The following PARD6G variants were observed in gnomAD, a reference collection of about 807,000 sequenced individuals.
The protein encoded by PARD6G is partitioning defective 6 homolog gamma.
In PARD6G, 7 loss-of-function variants were observed where a neutral mutation model predicts 10.7. That is an observed-to-expected ratio of 0.66 (90% CI 0.37 to 1.23). The LOEUF is 1.23. PARD6G is among the 50% of genes most tolerant of loss of function. The pLI is 0.02. For synonymous variants in PARD6G, 287 were observed against 269.4 expected (o/e 1.07, Z -0.64); for missense variants, 548 against 571.8 (o/e 0.96, Z 0.42).
At chr18:80,243,546 A>C (rs1164715439) in intron 1 of PARD6G, among the ~76,000 whole-genome samples, 1 of 152,182 alleles carries the variant, frequency 6.6e-6, no homozygotes, top group Non-Finnish European at 1.5e-5. Context: ...GAATCCAAAA[A>C]AGCCCCATCA....
rs77899993 is a variant in PARD6G at position 80,211,700 on chromosome 18, A to G, written c.73-8768T>C. ...TGAATAGGCAAAAGGTGACACATAC[A>G]TACAATGGAATATTATTCCATCTTC... On this transcript the variant is annotated intron_variant, in intron 1 of 2. Coordinates refer to ENST00000353265, the MANE Select transcript of PARD6G (RefSeq NM_032510.4). 9.3e-4 allele frequency among the ~76,000 whole-genome samples: 141 copies of G among 152,374 alleles called. 2 individuals are homozygous for G. In the East Asian group the frequency reaches 0.025, roughly 27 times the overall value.
intron 1 of PARD6G, among the ~76,000 whole-genome samples, chr18:80,244,749 C>T (rs1381666077): frequency 6.6e-6 from 1 of 152,174 alleles, no homozygotes; most frequent in Non-Finnish European, 1.5e-5. Flanking sequence ...ACGCCATTTT[C>T]CCCACAAACC....
chr18:80,244,680 T>C (rs1306570575), intron 1 of PARD6G, among the ~76,000 whole-genome samples: 1 of 152,210 alleles, frequency 6.6e-6, no homozygotes, highest in Admixed American at 6.5e-5. Context: ...TTAAATGACT[T>C]GCCCAAAAGC....
At chr18:80,235,801 G>A (rs1239645545) in intron 1 of PARD6G, among the ~76,000 whole-genome samples, 2 of 152,154 alleles carry the variant, frequency 1.3e-5, no homozygotes, top group Non-Finnish European at 2.9e-5. Flanking sequence ...ACTAAACCAG[G>A]AAGAAGTTGA....
chr18:80,239,021 T>C (rs1396252396), intron 1 of PARD6G, among the ~76,000 whole-genome samples: 1 of 152,068 alleles, frequency 6.6e-6, no homozygotes, highest in Non-Finnish European at 1.5e-5. Context: ...ATGCTACACA[T>C]GTATCTCAAA....
Position 80,183,924 on chromosome 18 carries a change from A to G in PARD6G, c.295+18786T>C, listed in dbSNP as rs2052860088. ...AGACACAACCCCGAATGCCAATTCC[A>G]GTGTCCTGTGCAGTGATGACCACAC... On this transcript the variant is annotated intron_variant, in intron 2 of 2. Transcript: ENST00000353265. This position sits in a 1 kb window ranked among gnomAD's most constrained non-coding sequence, Gnocchi z 4.5. 1 of 152,290 alleles carries G rather than the reference A, an allele frequency of 6.6e-6. No individual in the cohort carries two copies. Among genetic ancestry groups the G allele is most frequent in the Non-Finnish European group, 1.5e-5 (1 of 68,074 alleles). 9.4% of individuals were successfully genotyped at this position (152,290 alleles called of 1,614,324 possible). A position where few individuals can be genotyped will look rare whatever the true frequency, so the allele number is the denominator to read the frequency against.
rs183599897 is a variant in PARD6G at position 80,238,590 on chromosome 18, G to A, written c.72+8687C>T. ...TAGAGACCCTAATAGTGGTTACCTC[G>A]GGGGTAGGTACTCACTAGAAAAGGG... On this transcript the variant is annotated intron_variant, in intron 1 of 2. Coordinates refer to ENST00000353265, the MANE Select transcript of PARD6G (RefSeq NM_032510.4). 2.0e-3 allele frequency among the ~76,000 whole-genome samples: 298 copies of A among 152,060 alleles called. 2 individuals carry two copies. The highest frequency in any genetic ancestry group is 4.8e-3 in the African/African-American group (200 of 41,460).
At chr18:80,239,597 C>T (rs1007896090) in intron 1 of PARD6G, among the ~76,000 whole-genome samples, 5 of 152,202 alleles carry the variant, frequency 3.3e-5, no homozygotes, top group African/African-American at 1.2e-4. Context: ...GCACAAGCAC[C>T]CCTGGAGCTG....
chr18:80,246,876 C>A lies in PARD6G; in HGVS notation c.72+401G>T, dbSNP rs1023448983. On this transcript the variant is annotated intron_variant, in intron 1 of 2. Coordinates refer to ENST00000353265, the MANE Select transcript of PARD6G (RefSeq NM_032510.4). This position sits in a 1 kb window ranked among gnomAD's most constrained non-coding sequence, Gnocchi z 6.7. Reference sequence around the variant, plus strand: ...GGCCAGGGCCATCCCACGGCCCGGGCCCCCAGAGCCCCCCCACGGCCCCGA... The same window carrying A: ...GGCCAGGGCCATCCCACGGCCCGGGACCCCAGAGCCCCCCCACGGCCCCGA... Among the ~76,000 whole-genome samples the A allele has an allele frequency of 2.0e-5, 3 of 152,058 alleles. No homozygotes were observed. Among genetic ancestry groups the A allele is most frequent in the African/African-American group, 7.2e-5 (3 of 41,398 alleles).
At chr18:80,204,429 C>T (rs1967037084) in intron 1 of PARD6G, among the ~76,000 whole-genome samples, 1 of 152,080 alleles carries the variant, frequency 6.6e-6, no homozygotes, top group African/African-American at 2.4e-5. Flanking sequence ...GGACCACACA[C>T]AGAGAACCAC....
At chr18:80,244,161 C>A (rs181414549) in intron 1 of PARD6G, among the ~76,000 whole-genome samples, 14 of 152,294 alleles carry the variant, frequency 9.2e-5, no homozygotes, top group African/African-American at 2.9e-4. Context: ...AGGACTCTTG[C>A]TCTCCTCCAC....
Position 80,159,919 on chromosome 18 carries a change from C to A in PARD6G, c.983G>T (p.Gly328Val), listed in dbSNP as rs1191401613. 2 of 1,510,008 alleles carry A rather than the reference C, an allele frequency of 1.3e-6. No individual in the cohort carries two copies. Among genetic ancestry groups the A allele is most frequent in the Non-Finnish European group, 1.8e-6 (2 of 1,136,744 alleles). The allele number at this position is 1,510,008 out of a possible 1,614,324, so 93.5% of individuals were successfully genotyped here. ...CTGCAGCCGCTGCGCCAGGCCCGCG[C>A]CATTGACCCGGGAGAGGCTGCCTGC... ...APAGSLSRVN[G>V]AGLAQRLQRD... The change falls in exon 3 of 3, where the codon GGC becomes GTC. Residue 328 changes from glycine (G) to valine (V), a missense_variant. Physicochemically the swap from Gly to Val is moderately radical, Grantham distance 109. Coordinates refer to ENST00000353265, the MANE Select transcript of PARD6G (RefSeq NM_032510.4).
At chr18:80,239,528 C>T (rs899354526) in intron 1 of PARD6G, among the ~76,000 whole-genome samples, 3 of 152,208 alleles carry the variant, frequency 2.0e-5, no homozygotes, top group Non-Finnish European at 4.4e-5. Context: ...TCAAAGCCAT[C>T]CTGTTCCACA....
chr18:80,206,894 A>T (rs1203980791), intron 1 of PARD6G, among the ~76,000 whole-genome samples: 1 of 152,084 alleles, frequency 6.6e-6, no homozygotes, highest in African/African-American at 2.4e-5. Flanking sequence ...TAAATACTTA[A>T]CGTAAATGAA....
chr18:80,176,675 A>C (rs2052809395), intron 2 of PARD6G, among the ~76,000 whole-genome samples: 1 of 152,186 alleles, frequency 6.6e-6, no homozygotes, highest in African/African-American at 2.4e-5. Flanking sequence ...TAAAAGTACA[A>C]GTCAGCCTTG....
At position 80,187,513 on chromosome 18, in the gene PARD6G, A is replaced by C. The variant is rs760388234; in HGVS notation, c.295+15197T>G. ...AGTGCGGCTGGGCTGTTCCGGTTAGATTTAGTTGTGAATCATCGCAATTCA... is the reference window on the plus strand; with the variant it reads ...AGTGCGGCTGGGCTGTTCCGGTTAGCTTTAGTTGTGAATCATCGCAATTCA... On this transcript the variant is annotated intron_variant, in intron 2 of 2. Coordinates refer to ENST00000353265, the MANE Select transcript of PARD6G (RefSeq NM_032510.4). 6.4e-4 allele frequency among the ~76,000 whole-genome samples: 97 copies of C among 152,074 alleles called. 1 individual carries two copies. The highest frequency in any genetic ancestry group is 1.0e-4 in the Non-Finnish European group (7 of 68,000).
chr18:80,202,298 G>A (rs978870280), intron 2 of PARD6G, among the ~76,000 whole-genome samples: 13 of 152,152 alleles, frequency 8.5e-5, no homozygotes, highest in African/African-American at 2.6e-4. Context: ...TACTTATAGC[G>A]AAACTGGGCC....
At chr18:80,195,412 C>T (rs888892778) in intron 2 of PARD6G, among the ~76,000 whole-genome samples, 5 of 151,564 alleles carry the variant, frequency 3.3e-5, no homozygotes, top group Admixed American at 2.0e-4. Flanking sequence ...TGGCCCCCCT[C>T]GGTGCTATTC....
Position 80,247,426 on chromosome 18 carries a change from AG to A in PARD6G, c.-79del, listed in dbSNP as rs2145312846. ...AAAGACTCCCGGGGGCGGCGCCCCCAGGCCCCGGCCCCGGCCCCGGCCCGCG... is the reference window on the plus strand; with the variant it reads ...AAAGACTCCCGGGGGCGGCGCCCCCAGCCCCGGCCCCGGCCCCGGCCCGCG... On this transcript the variant is annotated 5_prime_UTR_variant, in exon 1 of 3. Coordinates refer to ENST00000353265, the MANE Select transcript of PARD6G (RefSeq NM_032510.4). The surrounding 1 kb of genome is among the most constrained non-coding windows in gnomAD (Gnocchi z 4.2). 2 of 1,214,784 alleles carry A rather than the reference AG, an allele frequency of 1.6e-6. No individual in the cohort carries two copies. The highest frequency in any genetic ancestry group is 3.2e-5 in the South Asian group (2 of 62,068). 75.3% of individuals were successfully genotyped at this position (1,214,784 alleles called of 1,614,324 possible). A position where few individuals can be genotyped will look rare whatever the true frequency, so the allele number is the denominator to read the frequency against.
Sources: allele counts gnomAD v4.1 joint callset (sites outside exome capture counted in the v4.1 genomes callset), GRCh38; gene constraint gnomAD v4.1.1; non-coding constraint Gnocchi (gnomAD v3.1); transcripts MANE v1.5; gene names NCBI Gene and HGNC (gene_info 2026-07-23, HGNC 2026-07-21).